Variants in ROS1 observed in about 807,000 individuals in gnomAD.
ROS1 encodes proto-oncogene tyrosine-protein kinase ROS.
A neutral mutation model predicts 273.5 loss-of-function variants in ROS1; 263 were observed. The observed-to-expected ratio is 0.96, with a 90% CI of 0.87 to 1.06. ROS1 has a LOEUF of 1.06. ROS1 is among the 50% of genes least tolerant of loss of function. The probability of loss-of-function intolerance (pLI) is 0.00; values close to 1 mark genes in which losing one functional copy is unlikely to be tolerated. For missense variants in ROS1, 2,833 were observed against 2,751.1 expected (o/e 1.03, Z -0.67); for synonymous variants, 1,008 against 954.1 (o/e 1.06, Z -1.04).
At chr6:117,352,464 AT>A (rs200157417) in intron 27 of ROS1, among the ~76,000 whole-genome samples, 53 of 150,030 alleles carry the variant, frequency 3.5e-4, no homozygotes, top group Admixed American at 1.5e-3. Context: ...CATCAGTGAC[AT>A]TTTTTTTAAA....
chr6:117,344,095 T>G lies in ROS1; in HGVS notation c.4471A>C (p.Arg1491=). The change falls in exon 28 of 44, where the codon AGG becomes CGG. Residue 1491 remains arginine (R), a synonymous_variant. Coordinates refer to ENST00000368507, the MANE Select transcript of ROS1 (RefSeq NM_001378902.1). ...YLVYYAEVND[R]KNSSDLKYRI... is the part of the protein sequence containing the mutation. ...TATTTCAAGTCAGAGCTGTTTTTCC[T>G]GTCATTAACTTCTGCATAATAAACC... 6.2e-7 allele frequency: 1 copy of G among 1,614,052 alleles called. No homozygotes were observed. Among genetic ancestry groups the G allele is most frequent in the Non-Finnish European group, 8.5e-7 (1 of 1,179,922 alleles).
intron 27 of ROS1, among the ~76,000 whole-genome samples, chr6:117,345,470 A>G (rs1778297513): frequency 1.3e-5 from 2 of 152,212 alleles, no homozygotes; most frequent in African/African-American, 4.8e-5. Context: ...CTAGAATGTA[A>G]CTATCTTTGG....
intron 18 of ROS1, among the ~76,000 whole-genome samples, chr6:117,368,330 C>G (rs1164186294): frequency 1.3e-5 from 2 of 151,954 alleles, no homozygotes; most frequent in Admixed American, 6.6e-5. Context: ...TCACTTTTCT[C>G]TCTTTAGAAA....
chr6:117,310,475 A>G (rs1341137786), intron 40 of ROS1, among the ~76,000 whole-genome samples, 194 bp from the exon 41 acceptor site: 1 of 151,462 alleles, frequency 6.6e-6, no homozygotes, highest in African/African-American at 2.4e-5. Context: ...TGCTGCACCT[A>G]TCAACCTGTC....
chr6:117,383,185 A>C, intron 17 of ROS1, 132 bp downstream of exon 17: 23 of 660,366 alleles, frequency 3.5e-5, no homozygotes, highest in Non-Finnish European at 5.3e-5. Context: ...AACTTGGTTA[A>C]ACCAAGATCT....
At chr6:117,305,059 T>TTTCTTTATAAATTACCCAGG (rs1290651834) in intron 42 of ROS1, among the ~76,000 whole-genome samples, 1 of 152,174 alleles carries the variant, frequency 6.6e-6, no homozygotes, top group Non-Finnish European at 1.5e-5. Context: ...TTAAACCTCT[T>TTTCTTTATAAATTACCCAGG]TTCTTTATAA....
intron 27 of ROS1, among the ~76,000 whole-genome samples, chr6:117,351,209 T>C (rs1778831894): frequency 6.6e-6 from 1 of 152,228 alleles, no homozygotes; most frequent in Admixed American, 6.5e-5. Flanking sequence ...TTTTCGACTG[T>C]GAACTTCACA....
intron 29 of ROS1, 60 bp from the exon 30 acceptor site, chr6:117,341,692 A>C: frequency 7.7e-7 from 1 of 1,301,006 alleles, no homozygotes; most frequent in Admixed American, 1.8e-5. Context: ...GATGGAAAGA[A>C]GTAATGGAGT....
intron 32 of ROS1, among the ~76,000 whole-genome samples, chr6:117,330,727 A>G (rs555449309): frequency 2.1e-4 from 32 of 152,284 alleles, no homozygotes; most frequent in African/African-American, 7.7e-4. Flanking sequence ...CAGCAGCCCT[A>G]CAGAAGAGGG....
chr6:117,309,990 A>T (rs946816109), intron 41 of ROS1, 91 bp downstream of exon 41: 32 of 1,133,348 alleles, frequency 2.8e-5, no homozygotes, highest in Non-Finnish European at 4.0e-5. Flanking sequence ...CTGTTTTCTC[A>T]CATTAAAAAA....
intron 43 of ROS1, among the ~76,000 whole-genome samples, chr6:117,296,998 G>C (rs1181667812): frequency 1.3e-5 from 2 of 152,116 alleles, no homozygotes; most frequent in Non-Finnish European, 2.9e-5. Flanking sequence ...TAATCAAACA[G>C]TATGGTACTG....
At chr6:117,338,078 C>A (rs1777607516) in intron 31 of ROS1, among the ~76,000 whole-genome samples, 1 of 151,926 alleles carries the variant, frequency 6.6e-6, no homozygotes, top group South Asian at 2.1e-4. Flanking sequence ...TCCTTAGTAT[C>A]ATTATTTGAA....
In ROS1 at chr6:117,360,422, A is replaced by AAAAATTGC; in HGVS notation, c.3367-25_3367-18dup. 1 of 1,600,194 alleles carries AAAAATTGC rather than the reference A, an allele frequency of 6.2e-7. No individual in the cohort carries two copies. The highest frequency in any genetic ancestry group is 8.6e-7 in the Non-Finnish European group (1 of 1,168,316). ...GGCCCTAACCTAAAGAAAAGGAAAC[A>AAAAATTGC]AAAATTGCATTCAGTAGTGTTCTCC... On this transcript the variant is annotated splice_polypyrimidine_tract_variant and intron_variant, in intron 22 of 43. Coordinates refer to ENST00000368507, the MANE Select transcript of ROS1 (RefSeq NM_001378902.1).
rs188350772 is a variant in ROS1 at position 117,334,576 on chromosome 6, T to C, written c.5230+2596A>G. Among the ~76,000 whole-genome samples, 427 of 152,266 alleles carry C rather than the reference T, an allele frequency of 2.8e-3. 1 individual carries two copies. The highest frequency in any genetic ancestry group is 9.3e-3 in the African/African-American group (387 of 41,570). On this transcript the variant is annotated intron_variant, in intron 32 of 43. Transcript: ENST00000368507. ...AAAAAGAACAAACTTGGAGGCATCATGCTACCTGACTTCAAACTATATTAC... is the reference window on the plus strand; with the variant it reads ...AAAAAGAACAAACTTGGAGGCATCACGCTACCTGACTTCAAACTATATTAC...
At chr6:117,369,453 A>G (rs1780558695) in intron 18 of ROS1, among the ~76,000 whole-genome samples, 1 of 152,158 alleles carries the variant, frequency 6.6e-6, no homozygotes, top group Non-Finnish European at 1.5e-5. Flanking sequence ...GGGCGCCTGT[A>G]GTCCCAGCTA....
At chr6:117,367,559 G>A (rs888914929) in intron 18 of ROS1, among the ~76,000 whole-genome samples, 1 of 152,182 alleles carries the variant, frequency 6.6e-6, no homozygotes, top group African/African-American at 2.4e-5. Context: ...AGAAGGCATG[G>A]CCTGCATGCC....
At chr6:117,389,969 A>G (rs1031408034) in intron 12 of ROS1, 123 bp from the exon 13 acceptor site, 24 of 850,216 alleles carry the variant, frequency 2.8e-5, no homozygotes, top group Non-Finnish European at 4.1e-5. Context: ...TGCTAAGTAC[A>G]GGATTTTCCA....
intron 11 of ROS1, 104 bp from the exon 12 acceptor site, chr6:117,393,425 G>A: frequency 1.3e-6 from 1 of 771,788 alleles, no homozygotes; most frequent in Non-Finnish European, 2.1e-6. Context: ...AATTGTACTA[G>A]GCACTGAGCA....
At chr6:117,357,436 A>T (rs1244427491) in intron 25 of ROS1, among the ~76,000 whole-genome samples, 1 of 152,224 alleles carries the variant, frequency 6.6e-6, no homozygotes, top group African/African-American at 2.4e-5. Context: ...TGAGCACAGA[A>T]TAACTTTTAC....
Sources: allele counts gnomAD v4.1 joint callset (sites outside exome capture counted in the v4.1 genomes callset), GRCh38; gene constraint gnomAD v4.1.1; transcripts MANE v1.5; gene names NCBI Gene and HGNC (gene_info 2026-07-23, HGNC 2026-07-21).